LRRN1: variants seen among roughly 807,000 people sequenced by gnomAD.
The protein encoded by LRRN1 is leucine rich repeat neuronal 1.
LRRN1 carries 14 observed loss-of-function variants against 45.8 expected under a neutral mutation model. That is an observed-to-expected ratio of 0.31 (90% confidence interval 0.20 to 0.48). LRRN1 has a LOEUF of 0.48. LRRN1 is among the 20% of genes least tolerant of loss of function. LRRN1 has a pLI of 0.99. For missense variants in LRRN1, 789 were observed against 874.2 expected (o/e 0.90, Z 1.23); for synonymous variants, 359 against 330.1 (o/e 1.09, Z -0.95).
At chr3:3,825,271 T>A (rs1008585585) in intron 1 of LRRN1, among the ~76,000 whole-genome samples, 5 of 152,208 alleles carry the variant, frequency 3.3e-5, no homozygotes, top group Non-Finnish European at 7.3e-5. Context: ...AGGAGCTGAA[T>A]GAATTGTGAC....
intron 1 of LRRN1, among the ~76,000 whole-genome samples, chr3:3,827,893 C>A (rs938743115): frequency 2.0e-5 from 3 of 151,918 alleles, no homozygotes; most frequent in Non-Finnish European, 1.5e-5. Context: ...TTATTAATTT[C>A]AATGATAATG....
At chr3:3,805,812 T>G (rs1692739271) in intron 1 of LRRN1, among the ~76,000 whole-genome samples, 1 of 152,200 alleles carries the variant, frequency 6.6e-6, no homozygotes, top group Non-Finnish European at 1.5e-5. Context: ...TTACAATCAT[T>G]AAACATTTGT....
Position 3,845,904 on chromosome 3 carries a change from G to T in LRRN1, c.1263G>T (p.Gln421His). 1.2e-6 allele frequency: 2 copies of T among 1,614,110 alleles called. No homozygotes were observed. The highest frequency in any genetic ancestry group is 1.7e-6 in the Non-Finnish European group (2 of 1,180,020). The change falls in exon 2 of 2, where the codon CAG becomes CAT. Residue 421 changes from glutamine to histidine, a missense_variant. Coordinates refer to ENST00000319331, the MANE Select transcript of LRRN1 (RefSeq NM_020873.7). This position sits in a 1 kb window ranked among gnomAD's most constrained non-coding sequence, Gnocchi z 6.5. ...TTTTAATCCAGGATTCGAGTGAACA[G>T]TGCCTCCCAATGATATCTCACGACA... Reference protein sequence around the residue: ...KEVLIQDSSEQCLPMISHDSF... With the variant: ...KEVLIQDSSEHCLPMISHDSF...
chr3:3,830,238 G>A (rs540190419), intron 1 of LRRN1, among the ~76,000 whole-genome samples: 1 of 152,294 alleles, frequency 6.6e-6, no homozygotes, highest in Non-Finnish European at 1.5e-5. Flanking sequence ...CATCTTCACA[G>A]TTTTTGACCA....
intron 1 of LRRN1, among the ~76,000 whole-genome samples, chr3:3,830,529 C>A (rs1575293532): frequency 6.6e-6 from 1 of 152,308 alleles, no homozygotes; most frequent in East Asian, 1.9e-4. Flanking sequence ...GTGGTGTCTG[C>A]ATATTGTGCA....
chr3:3,847,607 C>T lies in LRRN1; in HGVS notation c.*815C>T, dbSNP rs957806599. On this transcript the variant is annotated 3_prime_UTR_variant, in exon 2 of 2. Coordinates refer to ENST00000319331, the MANE Select transcript of LRRN1 (RefSeq NM_020873.7). Reference sequence around the variant, plus strand: ...AGAACTATAATAAATTAGTTTTGTTCTGATTTTTTAGAACACTTGCAATAA... The same window carrying T: ...AGAACTATAATAAATTAGTTTTGTTTTGATTTTTTAGAACACTTGCAATAA... 6.0e-6 allele frequency: 1 copy of T among 166,954 alleles called. No individual in the cohort carries two copies. Among genetic ancestry groups the T allele is most frequent in the Admixed American group, 6.6e-5 (1 of 15,264 alleles). The allele number at this position is 166,954 out of a possible 1,614,324, so 10.3% of individuals were successfully genotyped here.
chr3:3,806,747 A>G (rs1011341460), intron 1 of LRRN1, among the ~76,000 whole-genome samples: 2 of 152,186 alleles, frequency 1.3e-5, no homozygotes, highest in Non-Finnish European at 2.9e-5. Context: ...GACCTATAAC[A>G]TCCTGAGAAA....
intron 1 of LRRN1, chr3:3,804,094 AT>A (rs1300386178): frequency 2.0e-5 from 3 of 152,188 alleles, no homozygotes; most frequent in Admixed American, 6.5e-5. Flanking sequence ...CTTTACTACT[AT>A]TTATATTTTC....
intron 1 of LRRN1, among the ~76,000 whole-genome samples, chr3:3,830,137 T>A (rs570060869): frequency 6.6e-6 from 1 of 152,256 alleles, no homozygotes; most frequent in South Asian, 2.1e-4. Context: ...GGCTGAGTGG[T>A]GTCCACGGAA....
Position 3,844,928 on chromosome 3 carries a change from A to C in LRRN1, c.287A>C (p.Asn96Thr). ...GTGGATGAGCTGCAGCAGCTTTTCA[A>C]CTTGACTGAACTAGATTTCTCCCAA... ...KTVDELQQLF[N>T]LTELDFSQNN... Residue 96 changes from asparagine to threonine, a missense_variant, in exon 2 of 2, where the codon AAC becomes ACC. Asn to Thr is a moderately conservative substitution (Grantham distance 65, BLOSUM62 0). Coordinates refer to ENST00000319331, the MANE Select transcript of LRRN1 (RefSeq NM_020873.7). 1 of 1,614,152 alleles carries C rather than the reference A, an allele frequency of 6.2e-7. No individual in the cohort carries two copies. The highest frequency in any genetic ancestry group is 8.5e-7 in the Non-Finnish European group (1 of 1,180,020).
At chr3:3,814,452 A>G (rs1692947513) in intron 1 of LRRN1, among the ~76,000 whole-genome samples, 1 of 151,832 alleles carries the variant, frequency 6.6e-6, no homozygotes. Context: ...ATCCTGCGGT[A>G]GCTCACTCAG....
At chr3:3,835,448 G>T (rs970231526) in intron 1 of LRRN1, among the ~76,000 whole-genome samples, 1 of 152,236 alleles carries the variant, frequency 6.6e-6, no homozygotes, top group East Asian at 1.9e-4. Context: ...AAAATTGTAA[G>T]TTGAACTATC....
intron 1 of LRRN1, among the ~76,000 whole-genome samples, chr3:3,839,024 C>T (rs1354600117): frequency 6.6e-6 from 1 of 152,002 alleles, no homozygotes; most frequent in Non-Finnish European, 1.5e-5. Context: ...TCTCATTTGT[C>T]TTCTGTTGTT....
chr3:3,804,638 A>G (rs1692718531), intron 1 of LRRN1, among the ~76,000 whole-genome samples: 1 of 152,234 alleles, frequency 6.6e-6, no homozygotes, highest in Admixed American at 6.5e-5. Context: ...TCCGATTAAT[A>G]TAAATGAGTT....
At chr3:3,817,858 T>G (rs551183180) in intron 1 of LRRN1, among the ~76,000 whole-genome samples, 2 of 152,342 alleles carry the variant, frequency 1.3e-5, no homozygotes, top group East Asian at 3.9e-4. Context: ...ATTTTCTTGA[T>G]GAGGAGAATT....
chr3:3,845,810 G>A lies in LRRN1; in HGVS notation c.1169G>A (p.Arg390His), dbSNP rs770349026. The change falls in exon 2 of 2, where the codon CGC (arginine) becomes CAC (histidine). Residue 390 changes from arginine to histidine, a missense_variant. Coordinates refer to ENST00000319331, the MANE Select transcript of LRRN1 (RefSeq NM_020873.7). This position sits in a 1 kb window ranked among gnomAD's most constrained non-coding sequence, Gnocchi z 6.5. ...HWINSNKTNI[R>H]FMEPLSMFCA... ...ATTAACTCCAACAAAACCAACATCC[G>A]CTTCATGGAGCCCCTGTCCATGTTC... 2.1e-5 allele frequency: 34 copies of A among 1,613,980 alleles called. No individual in the cohort carries two copies. The South Asian group carries it at 2.4e-4, about 11-fold the overall frequency.
Position 3,824,935 on chromosome 3 carries a change from G to A in LRRN1, c.-278-19429G>A, listed in dbSNP as rs117067305. On this transcript the variant is annotated intron_variant, in intron 1 of 1. Coordinates refer to ENST00000319331, the MANE Select transcript of LRRN1 (RefSeq NM_020873.7). ...GATGTGTCCTGTGATCTGTAAGGCCGTCTCTACCTTTCACAGTTTGCGCAT... is the reference window on the plus strand; with the variant it reads ...GATGTGTCCTGTGATCTGTAAGGCCATCTCTACCTTTCACAGTTTGCGCAT... 2.8e-3 allele frequency among the ~76,000 whole-genome samples: 420 copies of A among 152,176 alleles called. 2 individuals carry two copies. Among genetic ancestry groups the A allele is most frequent in the East Asian group, 0.016 (81 of 5,140 alleles).
rs144408802 is a variant in LRRN1 at position 3,845,646 on chromosome 3, T to G, written c.1005T>G (p.Ser335Arg). The change falls in exon 2 of 2, where the codon AGT becomes AGG. Residue 335 changes from serine (S) to arginine (R), a missense_variant. Physicochemically the swap from Ser to Arg is moderately radical, Grantham distance 110. Coordinates refer to ENST00000319331, the MANE Select transcript of LRRN1 (RefSeq NM_020873.7). This position sits in a 1 kb window ranked among gnomAD's most constrained non-coding sequence, Gnocchi z 6.5. ...ACATCCACCGCTTGGCTTTCCGAAG[T>G]GTCCCTGCTCTGGAAAGCTTGATGC... ...LSYIHRLAFR[S>R]VPALESLMLN... 9.7e-5 allele frequency: 157 copies of G among 1,613,978 alleles called. 1 individual carries two copies. The highest frequency in any genetic ancestry group is 3.6e-5 in the Non-Finnish European group (43 of 1,180,024).
chr3:3,837,390 A>T (rs1191369124), intron 1 of LRRN1, among the ~76,000 whole-genome samples: 1 of 151,198 alleles, frequency 6.6e-6, no homozygotes, highest in African/African-American at 2.4e-5. Context: ...ACCACAACCA[A>T]CCCCACCTTC....
Sources: gnomAD v4.1 joint callset for allele counts (sites outside exome capture counted in the v4.1 genomes callset) on GRCh38, gnomAD v4.1.1 for gene constraint, Gnocchi (gnomAD v3.1) non-coding constraint, MANE v1.5 for transcripts, NCBI Gene and HGNC (gene_info 2026-07-23, HGNC 2026-07-21) for gene names.